Variants in DST observed in about 807,000 individuals in gnomAD.
The protein encoded by DST is bullous pemphigoid antigen.
In DST, 253 loss-of-function variants were observed where a neutral mutation model predicts 875.2. That is an observed-to-expected ratio of 0.29 (90% CI 0.26 to 0.32). The LOEUF (loss-of-function observed/expected upper bound fraction) is 0.32. Among genes scored for constraint, DST ranks in the 10% least tolerant of loss-of-function variants. The pLI is 1.00. For missense variants in DST, 8,287 were observed against 9,111.6 expected, an observed-to-expected ratio of 0.91 and a Z score of 3.68; for synonymous variants, 3,124 against 3,197.1, an observed-to-expected ratio of 0.98 and a Z score of 0.77.
At chr6:56,742,595 GTTC>G (rs1203872150) in intron 4 of DST, among the ~76,000 whole-genome samples, 1 of 152,092 alleles carries the variant, frequency 6.6e-6, no homozygotes, top group Non-Finnish European at 1.5e-5. Flanking sequence ...TTTTAAAGTT[GTTC>G]TTAAGAAGTC....
chr6:56,562,750 CCT>C (rs758707690), intron 55 of DST, among the ~76,000 whole-genome samples: 16 of 150,886 alleles, frequency 1.1e-4, no homozygotes, highest in Non-Finnish European at 2.2e-4. Flanking sequence ...CCCCCCACCC[CCT>C]GACAGGCCCC....
At chr6:56,582,607 T>C (rs1233186813) in intron 49 of DST, among the ~76,000 whole-genome samples, 3 of 152,138 alleles carry the variant, frequency 2.0e-5, no homozygotes, top group Non-Finnish European at 4.4e-5. Context: ...TTTTCTTTTT[T>C]TTTTTTATTA....
At position 56,606,699 on chromosome 6, in the gene DST, T is replaced by C. The variant is rs748633211; in HGVS notation, c.7929A>G (p.Thr2643=). 1.9e-6 allele frequency: 3 copies of C among 1,613,584 alleles called. No individual in the cohort carries two copies. The highest frequency in any genetic ancestry group is 1.1e-5 in the South Asian group (1 of 91,074). Residue 2643 remains threonine (T), a synonymous_variant, in exon 40 of 104, where the codon ACA becomes ACG. Coordinates refer to ENST00000680361, the MANE Select transcript of DST (RefSeq NM_001374736.1). Reference sequence around the variant, plus strand: ...CCGTCTCATCATTTTCCTCTTGCAGTGTGTCGTAGTCCTCAGGGTGCAGGC... The same window carrying C: ...CCGTCTCATCATTTTCCTCTTGCAGCGTGTCGTAGTCCTCAGGGTGCAGGC... ...RDCLHPEDYD[T]LQEENDETAS... is the part of the protein sequence containing the mutation.
At chr6:56,629,540 G>A in intron 31 of DST, 97 bp from the exon 32 acceptor site, 3 of 917,466 alleles carry the variant, frequency 3.3e-6, no homozygotes, top group Non-Finnish European at 5.1e-6. Flanking sequence ...ACAAATGACA[G>A]GTAGAAAATA....
intron 71 of DST, 34 bp from the exon 72 acceptor site, chr6:56,515,702 C>A: frequency 6.5e-7 from 1 of 1,528,890 alleles, no homozygotes; most frequent in South Asian, 1.2e-5. Context: ...TTTAACTGGT[C>A]AGGCCAACGA....
chr6:56,591,274 T>C (rs989458884), intron 49 of DST, among the ~76,000 whole-genome samples: 5 of 152,250 alleles, frequency 3.3e-5, no homozygotes, highest in Non-Finnish European at 5.9e-5. Flanking sequence ...ACCAAGCCTG[T>C]ATTTCTGAAA....
At chr6:56,580,725 C>CTTTTTTTT (rs1167715487) in intron 49 of DST, among the ~76,000 whole-genome samples, 1 of 121,036 alleles carries the variant, frequency 8.3e-6, no homozygotes, top group Non-Finnish European at 1.7e-5. Flanking sequence ...TTTACTTTTT[C>CTTTTTTTT]TTTTTTTTTT....
At chr6:56,723,292 T>C (rs1030518826) in intron 5 of DST, among the ~76,000 whole-genome samples, 2 of 151,840 alleles carry the variant, frequency 1.3e-5, no homozygotes, top group African/African-American at 4.8e-5. Context: ...GGGCTGGGCG[T>C]GGTGGCTTAC....
Position 56,605,320 on chromosome 6 carries a change from A to C in DST, c.9308T>G (p.Leu3103Arg), listed in dbSNP as rs1274449736. 3.7e-6 allele frequency: 6 copies of C among 1,612,132 alleles called. No homozygotes were observed. The highest frequency in any genetic ancestry group is 5.1e-6 in the Non-Finnish European group (6 of 1,179,118). ...PFPQITNNEE[L>R]NQKGSLKKAT... Reference sequence around the variant, plus strand: ...TTTTTTAAGGCTTCCTTTCTGATTAAGTTCTTCATTGTTTGTGATTTGTGG... The same window carrying C: ...TTTTTTAAGGCTTCCTTTCTGATTACGTTCTTCATTGTTTGTGATTTGTGG... Residue 3103 changes from leucine to arginine, a missense_variant, in exon 40 of 104, where the codon CTT becomes CGT. This residue lies in a region of DST where 3,138 missense variants were observed against 3,116.6 expected (regional missense o/e 1.01). Coordinates refer to ENST00000680361, the MANE Select transcript of DST (RefSeq NM_001374736.1).
Position 56,497,870 on chromosome 6 carries a change from C to A in DST, c.20080G>T (p.Gly6694Cys). ...CTCTTACTCACCTGGCGCAAGGCACCATCCAGCTGCTGCTTCCTTTGTTCT... is the reference window on the plus strand; with the variant it reads ...CTCTTACTCACCTGGCGCAAGGCACAATCCAGCTGCTGCTTCCTTTGTTCT... ...KTEQRKQQLDGALRQAKGFHG... is the reference protein window; with the variant it reads ...KTEQRKQQLDCALRQAKGFHG... Residue 6694 changes from glycine (G) to cysteine (C), a missense_variant, in exon 81 of 104, where the codon GGT becomes TGT. Physicochemically the swap from Gly to Cys is radical, Grantham distance 159. Coordinates refer to ENST00000680361, the MANE Select transcript of DST (RefSeq NM_001374736.1). 1 of 1,609,304 alleles carries A rather than the reference C, an allele frequency of 6.2e-7. No individual in the cohort carries two copies. Among genetic ancestry groups the A allele is most frequent in the South Asian group, 1.1e-5 (1 of 90,252 alleles).
At chr6:56,880,695 G>GAA (rs1781681468) in intron 3 of DST, among the ~76,000 whole-genome samples, 1 of 97,184 alleles carries the variant, frequency 1.0e-5, no homozygotes. Flanking sequence ...TCAAAAAAAA[G>GAA]AAAAAAGAAA....
At chr6:56,534,196 T>A (rs867646609) in intron 63 of DST, among the ~76,000 whole-genome samples, 1 of 152,042 alleles carries the variant, frequency 6.6e-6, no homozygotes, top group Non-Finnish European at 1.5e-5. Flanking sequence ...TTTTATAAAT[T>A]AAAAAAAATT....
intron 3 of DST, 75 bp downstream of exon 3, chr6:56,900,345 GT>G (rs1323185132): frequency 6.7e-6 from 8 of 1,193,598 alleles, no homozygotes; most frequent in East Asian, 4.8e-5. Context: ...ATCTGATAAT[GT>G]TTTTAAACTA....
rs745567808 is a variant in DST, at chr6:56,606,148, C to T, written c.8480G>A (p.Arg2827Lys). 6.2e-7 allele frequency: 1 copy of T among 1,609,568 alleles called. No homozygotes were observed. Among genetic ancestry groups the T allele is most frequent in the Non-Finnish European group, 8.5e-7 (1 of 1,177,246 alleles). Residue 2827 changes from arginine (R) to lysine (K), a missense_variant, in exon 40 of 104, where the codon AGG (arginine) becomes AAG (lysine). Coordinates refer to ENST00000680361, the MANE Select transcript of DST (RefSeq NM_001374736.1). Reference sequence around the variant, plus strand: ...CATATCTTCAGCCACATTTTGGCACCTGGGCTTTCCATTCTCATCTCTTAT... The same window carrying T: ...CATATCTTCAGCCACATTTTGGCACTTGGGCTTTCCATTCTCATCTCTTAT... ...GGIRDENGKPRCQNVAEDMDI... is the reference protein window; with the variant it reads ...GGIRDENGKPKCQNVAEDMDI...
chr6:56,942,111 A>T (rs1816911399), intron 2 of DST, among the ~76,000 whole-genome samples: 2 of 152,102 alleles, frequency 1.3e-5, no homozygotes, highest in Non-Finnish European at 2.9e-5. Context: ...TTGATTATCT[A>T]CTTTACCTAA....
Position 56,605,922 on chromosome 6 carries a change from A to C in DST, c.8706T>G (p.Ile2902Met), listed in dbSNP as rs2098492030. 4 of 1,612,746 alleles carry C rather than the reference A, an allele frequency of 2.5e-6. No homozygotes were observed. In the African/African-American group the frequency reaches 5.3e-5, roughly 22 times the overall value. The change falls in exon 40 of 104, where the codon ATT becomes ATG. Residue 2902 changes from isoleucine (I) to methionine (M), a missense_variant. Physicochemically the swap from Ile to Met is conservative, Grantham distance 10 (BLOSUM62 1). Transcript: ENST00000680361. The part of the protein sequence containing the change: ...KSNLPEYTTE[I>M]AGKSKENLLN... ...ACAGATTTTCTTTGCTTTTTCCAGC[A>C]ATCTCAGTTGTATATTCTGGAAGGT...
chr6:56,624,499 T>A, intron 36 of DST, 31 bp downstream of exon 36: 2 of 1,446,448 alleles, frequency 1.4e-6, no homozygotes, highest in East Asian at 4.5e-5. Context: ...AGCTCCTTTA[T>A]ATTTACAGGG....
chr6:56,580,067 C>T (rs376888591), intron 49 of DST, among the ~76,000 whole-genome samples: 115 of 152,284 alleles, frequency 7.6e-4, no homozygotes, highest in African/African-American at 2.6e-3. Flanking sequence ...GTCCAAAGGA[C>T]TTGGTAACAC....
intron 8 of DST, among the ~76,000 whole-genome samples, chr6:56,701,092 G>A (rs1297648997): frequency 1.4e-5 from 2 of 145,998 alleles, no homozygotes; most frequent in Admixed American, 7.0e-5. Context: ...TGACCCTCCC[G>A]CCTCAGCCTC....
Sources: allele counts gnomAD v4.1 joint callset (sites outside exome capture counted in the v4.1 genomes callset), GRCh38; gene constraint gnomAD v4.1.1; regional missense constraint gnomAD v4.1.1; transcripts MANE v1.5; gene names NCBI Gene and HGNC (gene_info 2026-07-23, HGNC 2026-07-21).